Variants in ZHX2 observed in about 807,000 individuals in gnomAD.
ZHX2 encodes the protein zinc fingers and homeoboxes protein 2.
In ZHX2, 6 loss-of-function variants were observed where a neutral mutation model predicts 21.9. That is an observed-to-expected ratio of 0.27 (90% CI 0.15 to 0.54). The LOEUF (loss-of-function observed/expected upper bound fraction) is 0.54, where lower values mean the gene tolerates loss of function less well. Among genes scored for constraint, ZHX2 ranks in the 20% least tolerant of loss-of-function variants. The pLI, the probability that ZHX2 is intolerant of heterozygous loss-of-function variation, is 0.95. For synonymous variants in ZHX2, 434 were observed against 437.1 expected (o/e 0.99, Z 0.09); for missense variants, 908 against 1,090.7 (o/e 0.83, Z 2.36).
intron 1 of ZHX2, among the ~76,000 whole-genome samples, chr8:122,813,436 C>CT (rs140972824): frequency 2.0e-5 from 3 of 152,282 alleles, no homozygotes; most frequent in African/African-American, 7.2e-5. Flanking sequence ...GACACAAAGA[C>CT]TTTCAGAGCT....
intron 2 of ZHX2, among the ~76,000 whole-genome samples, chr8:122,911,750 A>G (rs1820486154): frequency 6.6e-6 from 1 of 152,168 alleles, no homozygotes; most frequent in South Asian, 2.1e-4. Flanking sequence ...CCATGGCAGG[A>G]AAAACACACA....
chr8:122,970,089 G>T (rs995925804), intron 3 of ZHX2, among the ~76,000 whole-genome samples: 1 of 152,096 alleles, frequency 6.6e-6, no homozygotes, highest in Non-Finnish European at 1.5e-5. Context: ...ATAAGGAAAT[G>T]CCTGTCCGAT....
In ZHX2 at chr8:122,951,213, A is replaced by G. The variant is rs1813100749; in HGVS notation, c.-219-79A>G. ...ATTTGGGTGCCTGTTGGGCTGGGTC[A>G]TGGGAAAACTCATAAAGAAGTGCCA... is the stretch of plus-strand genomic sequence containing the variant. On this transcript the variant is annotated intron_variant, in intron 2 of 3. Coordinates refer to ENST00000314393, the MANE Select transcript of ZHX2 (RefSeq NM_014943.5). The G allele has an allele frequency of 3.3e-5, 11 of 332,448 alleles. No homozygotes were observed. In the South Asian group the frequency reaches 4.6e-4, roughly 14 times the overall value. 20.6% of individuals were successfully genotyped at this position (332,448 alleles called of 1,614,324 possible). A position where few individuals can be genotyped will look rare whatever the true frequency, so the allele number is the denominator to read the frequency against.
intron 2 of ZHX2, among the ~76,000 whole-genome samples, chr8:122,930,375 A>G (rs111227262): frequency 1.3e-5 from 2 of 152,334 alleles, no homozygotes; most frequent in African/African-American, 4.8e-5. Flanking sequence ...TGAAAGAGGG[A>G]TTGCGGAAGA....
At chr8:122,933,910 T>G (rs1812612020) in intron 2 of ZHX2, among the ~76,000 whole-genome samples, 1 of 152,194 alleles carries the variant, frequency 6.6e-6, no homozygotes, top group African/African-American at 2.4e-5. Flanking sequence ...ATGGCCCACG[T>G]CTGTAATCCC....
chr8:122,904,814 A>T (rs1473746424), intron 2 of ZHX2, among the ~76,000 whole-genome samples: 1 of 152,246 alleles, frequency 6.6e-6, no homozygotes, highest in Non-Finnish European at 1.5e-5. Flanking sequence ...ACGATTAAAG[A>T]CAATAGATGA....
chr8:122,892,107 T>C (rs1258701399), intron 2 of ZHX2, among the ~76,000 whole-genome samples: 1 of 152,218 alleles, frequency 6.6e-6, no homozygotes, highest in Non-Finnish European at 1.5e-5. Flanking sequence ...GGTGTTCCTG[T>C]GCTGAGTGCA....
rs28448420 is a variant in ZHX2, at chr8:122,895,789, C to G, written c.-220+32250C>G. Reference sequence around the variant, plus strand: ...CGCCAAGATAAGCATAGAAGAGAGGCATATTCTGCTATTGAACCATCAGAA... The same window carrying G: ...CGCCAAGATAAGCATAGAAGAGAGGGATATTCTGCTATTGAACCATCAGAA... On this transcript the variant is annotated intron_variant, in intron 2 of 3. Transcript: ENST00000314393. Among the ~76,000 whole-genome samples the G allele has an allele frequency of 3.9e-3, 588 of 151,764 alleles. 9 individuals carry two copies. Among genetic ancestry groups the G allele is most frequent in the African/African-American group, 0.013 (545 of 41,382 alleles).
chr8:122,916,485 T>C (rs1820606341), intron 2 of ZHX2, among the ~76,000 whole-genome samples: 1 of 152,210 alleles, frequency 6.6e-6, no homozygotes, highest in Non-Finnish European at 1.5e-5. Flanking sequence ...CCTTTCTTTT[T>C]CTTTTTCTTT....
At chr8:122,815,570 C>T in intron 1 of ZHX2, 1 of 159,962 alleles carries the variant, frequency 6.3e-6, no homozygotes, top group Non-Finnish European at 1.3e-5. Context: ...AGATGGAATC[C>T]ACTCCTGGTG....
rs1813187253 is a variant in ZHX2, at chr8:122,953,326, G to A, written c.1816G>A (p.Ala606Thr). Residue 606 changes from alanine to threonine, a missense_variant, in exon 3 of 4, where the codon GCC becomes ACC. Transcript: ENST00000314393. This position sits in a 1 kb window ranked among gnomAD's most constrained non-coding sequence, Gnocchi z 4.6. ...TGGCAAAAAAGGCCAAGATGTGGGA[G>A]CCCCCAATGGTGCTCTGTCTCGACT... is the stretch of plus-strand genomic sequence containing the variant. ...GSGKKGQDVG[A>T]PNGALSRLDQ... The A allele has an allele frequency of 1.5e-5, 24 of 1,614,040 alleles. No homozygotes were observed. The highest frequency in any genetic ancestry group is 2.0e-5 in the Non-Finnish European group (24 of 1,180,008).
At chr8:122,968,005 C>T (rs548619520) in intron 3 of ZHX2, among the ~76,000 whole-genome samples, 19 of 152,098 alleles carry the variant, frequency 1.2e-4, no homozygotes, top group African/African-American at 4.3e-4. Flanking sequence ...TTGGGCAGGG[C>T]TTCATGTTAG....
At chr8:122,937,885 TCATCTATTTTTTTTATTCATGTA>T (rs1812742139) in intron 2 of ZHX2, among the ~76,000 whole-genome samples, 2 of 141,750 alleles carry the variant, frequency 1.4e-5, no homozygotes, top group East Asian at 2.3e-4. Flanking sequence ...CCCAGCCGGA[TCATCTATTTTTTTTATTCATGTA>T]TTATGTTTCC....
chr8:122,811,793 A>T (rs1302373759), intron 1 of ZHX2: 1 of 152,228 alleles, frequency 6.6e-6, no homozygotes, highest in Non-Finnish European at 1.5e-5. Flanking sequence ...AGAGGTAAGA[A>T]TCCCCCTTTC....
chr8:122,956,861 C>G (rs958621289), intron 3 of ZHX2, among the ~76,000 whole-genome samples: 2 of 152,100 alleles, frequency 1.3e-5, no homozygotes, highest in South Asian at 2.1e-4. Context: ...CCAGAGGCCC[C>G]GGTCCCCATC....
intron 2 of ZHX2, among the ~76,000 whole-genome samples, chr8:122,930,628 C>G (rs1018900978): frequency 2.0e-5 from 3 of 151,278 alleles, no homozygotes; most frequent in African/African-American, 7.3e-5. Flanking sequence ...CCAGCCACCA[C>G]GCCTGGCTAA....
Position 122,942,565 on chromosome 8 carries a change from C to T in ZHX2, c.-219-8727C>T, listed in dbSNP as rs538312147. Among the ~76,000 whole-genome samples the T allele has an allele frequency of 4.8e-4, 73 of 152,258 alleles. No homozygotes were observed. The East Asian group carries it at 6.4e-3, about 13-fold the overall frequency. On this transcript the variant is annotated intron_variant, in intron 2 of 3. Coordinates refer to ENST00000314393, the MANE Select transcript of ZHX2 (RefSeq NM_014943.5). ...CCCTCTGGGTAGACCCCTGGGATCCCGGCTCTGCAGCTCCCTCTGGCCTCT... is the reference window on the plus strand; with the variant it reads ...CCCTCTGGGTAGACCCCTGGGATCCTGGCTCTGCAGCTCCCTCTGGCCTCT...
intron 2 of ZHX2, among the ~76,000 whole-genome samples, chr8:122,892,717 C>T (rs1449251196): frequency 1.3e-5 from 2 of 152,130 alleles, no homozygotes; most frequent in African/African-American, 4.8e-5. Flanking sequence ...CAGAGTCTCG[C>T]ACTGTCGCCT....
At chr8:122,833,062 T>G (rs1026457337) in intron 1 of ZHX2, among the ~76,000 whole-genome samples, 4 of 152,170 alleles carry the variant, frequency 2.6e-5, no homozygotes, top group Admixed American at 2.0e-4. Context: ...CGACGTGAAA[T>G]GTGGGTGTCA....
Sources: allele counts gnomAD v4.1 joint callset (sites outside exome capture counted in the v4.1 genomes callset), GRCh38; gene constraint gnomAD v4.1.1; non-coding constraint Gnocchi (gnomAD v3.1); transcripts MANE v1.5; gene names NCBI Gene and HGNC (gene_info 2026-07-23, HGNC 2026-07-21).